PJVK: variants seen among roughly 807,000 people sequenced by gnomAD.
The protein encoded by PJVK is pejvakin, also known as autosomal recessive deafness type 59 protein.
In PJVK, 33 loss-of-function variants were observed where a neutral mutation model predicts 37.6. The observed-to-expected ratio is 0.88, with a 90% CI of 0.67 to 1.17. The LOEUF (loss-of-function observed/expected upper bound fraction) is 1.17. PJVK is among the 50% of genes most tolerant of loss of function. PJVK has a pLI of 0.00. For missense variants in PJVK, 410 were observed against 413.8 expected, an observed-to-expected ratio of 0.99 and a Z score of 0.08; for synonymous variants, 141 against 143.5, an observed-to-expected ratio of 0.98 and a Z score of 0.13.
At chr2:178,452,742 T>A in intron 1 of PJVK, 2 of 434,250 alleles carry the variant, frequency 4.6e-6, no homozygotes, top group South Asian at 9.8e-5. Flanking sequence ...CACTAGGTAA[T>A]AGTTTATATA....
intron 3 of PJVK, chr2:178,454,973 G>A: frequency 2.1e-6 from 2 of 952,054 alleles, no homozygotes; most frequent in Non-Finnish European, 3.5e-6. Flanking sequence ...CCCTGTCGGA[G>A]CTGGACCTGG....
chr2:178,459,369 G>T (rs1575122699), intron 5 of PJVK: 3 of 329,900 alleles, frequency 9.1e-6, no homozygotes, highest in Non-Finnish European at 1.9e-5. Flanking sequence ...TACATGTTAA[G>T]TAAATTGTCT....
Position 178,454,362 on chromosome 2 carries a change from A to G in PJVK, c.242A>G (p.Glu81Gly). Residue 81 changes from glutamate (E) to glycine (G), a missense_variant, in exon 3 of 7, where the codon GAA becomes GGA. Physicochemically the swap from Glu to Gly is moderately conservative, Grantham distance 98. Transcript: ENST00000644580. ...GISSYQLLNY[E>G]DESDVSLYGR... ...TCATCTTATCAATTACTGAATTATG[A>G]AGATGAATCAGATGTTTCACTCTAT... The G allele has an allele frequency of 1.2e-6, 2 of 1,613,568 alleles. No homozygotes were observed. The highest frequency in any genetic ancestry group is 1.7e-6 in the Non-Finnish European group (2 of 1,179,810).
intron 4 of PJVK, among the ~76,000 whole-genome samples, chr2:178,457,800 A>G (rs1370302478): frequency 6.6e-6 from 1 of 152,148 alleles, no homozygotes; most frequent in Admixed American, 6.5e-5. Context: ...TCAAGGTTAC[A>G]GTAGGCTATG....
chr2:178,457,243 T>G (rs983497079), intron 4 of PJVK, among the ~76,000 whole-genome samples: 7 of 152,306 alleles, frequency 4.6e-5, no homozygotes, highest in African/African-American at 1.7e-4. Context: ...GAATTTATAT[T>G]TTTATATTCA....
At chr2:178,453,336 A>T (rs2154125862) in intron 1 of PJVK, 52 bp from the exon 2 acceptor site, 1 of 1,465,432 alleles carries the variant, frequency 6.8e-7, no homozygotes, top group Non-Finnish European at 9.5e-7. Context: ...AGCAATGCTT[A>T]ATTTTGTGCC....
At chr2:178,457,678 C>G (rs1351455267) in intron 4 of PJVK, among the ~76,000 whole-genome samples, 1 of 152,152 alleles carries the variant, frequency 6.6e-6, no homozygotes, top group Non-Finnish European at 1.5e-5. Context: ...AACTAGGGGC[C>G]CGGGGCCACG....
chr2:178,454,808 G>GT lies in PJVK; in HGVS notation c.407+281_407+282insT. ...AGATTGACCAGAAATAGGATGCAGAGAATCATGAGGCCCAGATCAAGAATG... is the reference window on the plus strand; with the variant it reads ...AGATTGACCAGAAATAGGATGCAGAGTAATCATGAGGCCCAGATCAAGAATG... On this transcript the variant is annotated intron_variant, in intron 3 of 6. Coordinates refer to ENST00000644580, the MANE Select transcript of PJVK (RefSeq NM_001042702.5). 9 of 1,425,128 alleles carry GT rather than the reference G, an allele frequency of 6.3e-6. No homozygotes were observed. In the South Asian group the frequency reaches 1.1e-4, roughly 17 times the overall value. 88.3% of individuals were successfully genotyped at this position (1,425,128 alleles called of 1,614,324 possible).
At chr2:178,455,323 G>C in intron 3 of PJVK, 1 of 1,306,068 alleles carries the variant, frequency 7.7e-7, no homozygotes, top group South Asian at 1.2e-5. Flanking sequence ...AGTAACAGAA[G>C]TCCATGGGGC....
intron 2 of PJVK, 27 bp downstream of exon 2, chr2:178,453,647 A>G (rs766097865): frequency 3.2e-6 from 5 of 1,577,872 alleles, no homozygotes; most frequent in African/African-American, 1.3e-5. Context: ...GGGAGTGCCA[A>G]CTCATTCATC....
intron 1 of PJVK, 105 bp from the exon 2 acceptor site, chr2:178,453,283 C>A: frequency 1.0e-6 from 1 of 985,840 alleles, no homozygotes; most frequent in Non-Finnish European, 1.6e-6. Context: ...CTTGGTGAAA[C>A]CATGCTTTGT....
rs1412256703 is a variant in PJVK, at chr2:178,453,402, A to G, written c.-8A>G. On this transcript the variant is annotated 5_prime_UTR_variant, in exon 2 of 7. It removes the in-frame stop codon of an upstream open reading frame in the 5' UTR. Coordinates refer to ENST00000644580, the MANE Select transcript of PJVK (RefSeq NM_001042702.5). ...GGGGGTTGCAGTTGATGACGTTTTG[A>G]TTTTAATATGTTTGCTGCTGCTACC... 3 of 1,613,880 alleles carry G rather than the reference A, an allele frequency of 1.9e-6. No homozygotes were observed. Among genetic ancestry groups the G allele is most frequent in the African/African-American group, 1.3e-5 (1 of 74,934 alleles).
chr2:178,456,045 C>T lies in PJVK; in HGVS notation c.443C>T (p.Ser148Leu). The T allele has an allele frequency of 6.2e-7, 1 of 1,614,070 alleles. No homozygotes were observed. Among genetic ancestry groups the T allele is most frequent in the Non-Finnish European group, 8.5e-7 (1 of 1,180,018 alleles). The change falls in exon 4 of 7, where the codon TCA becomes TTA. Residue 148 changes from serine to leucine, a missense_variant. Coordinates refer to ENST00000644580, the MANE Select transcript of PJVK (RefSeq NM_001042702.5). The stretch of plus-strand genomic sequence containing the variant: ...TTTGACCACAGCTTGATACGTCAGT[C>T]AAGGAGCAGCAGAAAGGCAGTATTG... ...INFDHSLIRQ[S>L]RSSRKAVLCV...
intron 3 of PJVK, chr2:178,455,148 A>C (rs1461842364): frequency 1.5e-5 from 24 of 1,601,092 alleles, no homozygotes; most frequent in Non-Finnish European, 1.1e-5. Flanking sequence ...GAGGACGGCA[A>C]GGTGGTGACT....
At chr2:178,459,963 T>C (rs932666567) in intron 5 of PJVK, 7 of 193,918 alleles carry the variant, frequency 3.6e-5, no homozygotes, top group African/African-American at 1.4e-4. Context: ...TTAATAGATA[T>C]TTTTCAAGAG....
chr2:178,456,051 G>A lies in PJVK; in HGVS notation c.449G>A (p.Ser150Asn). ...FDHSLIRQSR[S>N]SRKAVLCVVM... ...CACAGCTTGATACGTCAGTCAAGGA[G>A]CAGCAGAAAGGCAGTATTGTGTGTG... The change falls in exon 4 of 7, where the codon AGC becomes AAC. Residue 150 changes from serine to asparagine, a missense_variant. By Grantham distance (46) the Ser-to-Asn change is conservative. Coordinates refer to ENST00000644580, the MANE Select transcript of PJVK (RefSeq NM_001042702.5). 3 of 1,614,218 alleles carry A rather than the reference G, an allele frequency of 1.9e-6. No homozygotes were observed. Among genetic ancestry groups the A allele is most frequent in the Non-Finnish European group, 2.5e-6 (3 of 1,180,034 alleles).
intron 5 of PJVK, chr2:178,459,392 T>A: frequency 3.0e-6 from 1 of 332,768 alleles, no homozygotes; most frequent in Non-Finnish European, 6.3e-6. Flanking sequence ...TTAAAAAATA[T>A]TTTTAATTTT....
rs1697830288 is a variant in PJVK, at chr2:178,453,383, T to G, written c.-22-5T>G. On this transcript the variant is annotated splice_polypyrimidine_tract_variant and splice_region_variant and intron_variant, in intron 1 of 6. Coordinates refer to ENST00000644580, the MANE Select transcript of PJVK (RefSeq NM_001042702.5). ...TTTAAAAATGGATTTATCTGGGGGT[T>G]GCAGTTGATGACGTTTTGATTTTAA... 1.2e-6 allele frequency: 2 copies of G among 1,613,110 alleles called. No homozygotes were observed. The highest frequency in any genetic ancestry group is 2.7e-5 in the African/African-American group (2 of 74,920).
Position 178,461,808 on chromosome 2 carries a change from C to T in PJVK, c.*534C>T, listed in dbSNP as rs1384134014. Among the ~76,000 whole-genome samples, 1 of 152,156 alleles carries T rather than the reference C, an allele frequency of 6.6e-6. No homozygotes were observed. The highest frequency in any genetic ancestry group is 1.9e-4 in the East Asian group (1 of 5,196). ...CCATCTTGGCCAGGCTGATCTTGAA[C>T]TCCTGACCTTGTGATCCACTTTCCT... On this transcript the variant is annotated 3_prime_UTR_variant, in exon 7 of 7. Transcript: ENST00000644580.
Sources: allele counts gnomAD v4.1 joint callset (sites outside exome capture counted in the v4.1 genomes callset), GRCh38; gene constraint gnomAD v4.1.1; transcripts MANE v1.5; gene names NCBI Gene and HGNC (gene_info 2026-07-23, HGNC 2026-07-21).